INTU: variants seen among roughly 807,000 people sequenced by gnomAD.
INTU encodes the protein protein inturned.
In INTU, 68 loss-of-function variants were observed where a neutral mutation model predicts 100.5. The ratio of observed to expected loss-of-function variants is 0.68; its 90% CI spans 0.56 to 0.83. The LOEUF (loss-of-function observed/expected upper bound fraction) is 0.83, where lower values mean the gene tolerates loss of function less well. Ranked by LOEUF, INTU falls within the 40% of genes least tolerant of loss-of-function variation. INTU has a pLI of 0.00. For synonymous variants in INTU, 357 were observed against 395.7 expected (o/e 0.90, Z 1.16); for missense variants, 1,071 against 1,114.7 (o/e 0.96, Z 0.56).
In INTU at chr4:127,672,685, C is replaced by T. The variant is rs114935636; in HGVS notation, c.1092-1439C>T. On this transcript the variant is annotated intron_variant, in intron 5 of 15. Transcript: ENST00000335251. ...TTTTGTTGCATACACACTTTTTAAA[C>T]TATAGTAATATTAGTATACTATAAG... Among the ~76,000 whole-genome samples the T allele has an allele frequency of 6.7e-3, 1,011 of 151,990 alleles. 13 individuals are homozygous for T. The highest frequency in any genetic ancestry group is 0.023 in the African/African-American group (937 of 41,478).
chr4:127,643,394 A>G (rs1727418802), intron 1 of INTU, 127 bp from the exon 2 acceptor site: 1 of 613,842 alleles, frequency 1.6e-6, no homozygotes, highest in African/African-American at 1.9e-5. Context: ...ATTTGAAATA[A>G]TAAAGAAGTT....
chr4:127,662,456 G>GAC (rs1315150901), intron 3 of INTU, among the ~76,000 whole-genome samples: 1 of 152,136 alleles, frequency 6.6e-6, no homozygotes, highest in Non-Finnish European at 1.5e-5. Flanking sequence ...TACGGTGAGA[G>GAC]ACAGAGTTTC....
intron 6 of INTU, among the ~76,000 whole-genome samples, chr4:127,676,827 G>C (rs886878783): frequency 6.6e-6 from 1 of 152,190 alleles, no homozygotes; most frequent in African/African-American, 2.4e-5. Flanking sequence ...CAAGGGGTCA[G>C]GGAGTTCCCT....
chr4:127,707,525 T>C (rs935394568), intron 12 of INTU, among the ~76,000 whole-genome samples: 6 of 152,084 alleles, frequency 3.9e-5, no homozygotes, highest in Non-Finnish European at 8.8e-5. Context: ...TCTTCCCTAT[T>C]TGCAATGACA....
intron 5 of INTU, among the ~76,000 whole-genome samples, chr4:127,673,141 C>T (rs891875812): frequency 6.6e-6 from 1 of 152,096 alleles, no homozygotes; most frequent in African/African-American, 2.4e-5. Context: ...TAGGCAGTCA[C>T]AAAATATTTG....
intron 8 of INTU, among the ~76,000 whole-genome samples, chr4:127,694,882 A>G (rs1400103614): frequency 3.9e-5 from 6 of 152,204 alleles, no homozygotes; most frequent in African/African-American, 7.2e-5. Context: ...TCTTTCACCA[A>G]TAATACAATG....
In INTU at chr4:127,711,080, T is replaced by G; in HGVS notation, c.2537T>G (p.Phe846Cys). The G allele has an allele frequency of 6.3e-7, 1 of 1,593,694 alleles. No individual in the cohort carries two copies. Among genetic ancestry groups the G allele is most frequent in the Non-Finnish European group, 8.6e-7 (1 of 1,165,114 alleles). Residue 846 changes from phenylalanine to cysteine, a missense_variant, in exon 14 of 16, where the codon TTC becomes TGC. Transcript: ENST00000335251. Reference sequence around the variant, plus strand: ...TGTTGTCTTTCCATTCGTGCAGTTTTCCAACAGACATTGGTGGAAGAGGTA... The same window carrying G: ...TGTTGTCTTTCCATTCGTGCAGTTTGCCAACAGACATTGGTGGAAGAGGTA... Reference protein sequence around the residue: ...HQCCLSIRAVFQQTLVEEKKK... With the variant: ...HQCCLSIRAVCQQTLVEEKKK...
intron 8 of INTU, among the ~76,000 whole-genome samples, chr4:127,693,790 C>T (rs1160532877): frequency 6.6e-6 from 1 of 151,738 alleles, no homozygotes; most frequent in African/African-American, 2.4e-5. Context: ...ATAAGGATGC[C>T]GGATTTTGTC....
chr4:127,671,640 A>G (rs902890322), intron 5 of INTU, among the ~76,000 whole-genome samples: 1 of 152,044 alleles, frequency 6.6e-6, no homozygotes, highest in African/African-American at 2.4e-5. Context: ...AGAAATCATT[A>G]TATCAAAAAG....
intron 9 of INTU, among the ~76,000 whole-genome samples, chr4:127,700,599 A>T (rs1730605603): frequency 6.6e-6 from 1 of 152,182 alleles, no homozygotes; most frequent in South Asian, 2.1e-4. Flanking sequence ...GTCTGAGAAC[A>T]TCTTGTCATA....
At chr4:127,675,651 T>C (rs1256393887) in intron 6 of INTU, among the ~76,000 whole-genome samples, 1 of 152,200 alleles carries the variant, frequency 6.6e-6, no homozygotes, top group Non-Finnish European at 1.5e-5. Context: ...CTGAAGGCTT[T>C]AACTGGAGCT....
chr4:127,705,844 TTTC>T, intron 11 of INTU, 32 bp downstream of exon 11: 2 of 1,547,706 alleles, frequency 1.3e-6, no homozygotes, highest in Non-Finnish European at 1.8e-6. Flanking sequence ...TCTTAGGATT[TTTC>T]TTCTTTTCTT....
chr4:127,689,379 G>A (rs1729999554), intron 8 of INTU, among the ~76,000 whole-genome samples: 2 of 152,124 alleles, frequency 1.3e-5, no homozygotes, highest in Non-Finnish European at 2.9e-5. Flanking sequence ...GCTGGGCATG[G>A]TGGCTCATGC....
At chr4:127,658,316 G>GAGAGAT (rs1728325221) in intron 3 of INTU, among the ~76,000 whole-genome samples, 3 of 118,968 alleles carry the variant, frequency 2.5e-5, no homozygotes, top group Non-Finnish European at 5.9e-5. Flanking sequence ...GGAATGGATA[G>GAGAGAT]CGAGATGGAG....
chr4:127,699,772 G>A (rs923878832), intron 8 of INTU, among the ~76,000 whole-genome samples: 4 of 152,140 alleles, frequency 2.6e-5, no homozygotes, highest in African/African-American at 7.2e-5. Flanking sequence ...TATGTTAAAT[G>A]AGTAAGTTGT....
At chr4:127,715,054 G>A (rs1260334523) in intron 15 of INTU, among the ~76,000 whole-genome samples, 1 of 151,920 alleles carries the variant, frequency 6.6e-6, no homozygotes, top group East Asian at 1.9e-4. Context: ...ATATATATGT[G>A]TGTGTATACA....
chr4:127,670,315 A>G (rs1728865693), intron 5 of INTU, among the ~76,000 whole-genome samples: 1 of 151,742 alleles, frequency 6.6e-6, no homozygotes, highest in African/African-American at 2.4e-5. Context: ...TTTCCCCCAT[A>G]TTCAGGTAGA....
intron 1 of INTU, among the ~76,000 whole-genome samples, chr4:127,638,910 T>C (rs1179013836): frequency 1.3e-5 from 2 of 152,188 alleles, no homozygotes; most frequent in Non-Finnish European, 2.9e-5. Context: ...CGTATTTATA[T>C]TAGTGCTGAA....
At chr4:127,644,462 A>G (rs1368572402) in intron 2 of INTU, among the ~76,000 whole-genome samples, 1 of 152,210 alleles carries the variant, frequency 6.6e-6, no homozygotes, top group Admixed American at 6.5e-5. Flanking sequence ...TTTAAATTGT[A>G]TGTTTGCACT....
Sources: gnomAD v4.1 joint callset for allele counts (sites outside exome capture counted in the v4.1 genomes callset) on GRCh38, gnomAD v4.1.1 for gene constraint, MANE v1.5 for transcripts, NCBI Gene and HGNC (gene_info 2026-07-23, HGNC 2026-07-21) for gene names.